ZNF682: variants seen among roughly 807,000 people sequenced by gnomAD.
The protein encoded by ZNF682 is zinc finger protein 682.
ZNF682 carries 29 observed loss-of-function variants against 36.5 expected under a neutral mutation model. The ratio of observed to expected loss-of-function variants is 0.80; its 90% confidence interval spans 0.59 to 1.08. The LOEUF is 1.08. Among genes scored for constraint, ZNF682 ranks in the 50% least tolerant of loss-of-function variants. The pLI, the probability that ZNF682 is intolerant of heterozygous loss-of-function variation, is 0.00. For synonymous variants in ZNF682, 180 were observed against 197.0 expected (o/e 0.91, Z 0.72); for missense variants, 561 against 579.7 (o/e 0.97, Z 0.33).
downstream of ZNF682, among the ~76,000 whole-genome samples, chr19:19,995,444 G>A (rs2088124112): frequency 6.6e-6 from 1 of 152,116 alleles, no homozygotes; most frequent in African/African-American, 2.4e-5. Context: ...TTAGTCATGA[G>A]GGCCTTTTAC....
chr19:20,018,115 A>T (rs796776879), intron 3 of ZNF682, among the ~76,000 whole-genome samples: 180 of 84,222 alleles, frequency 2.1e-3, no homozygotes, highest in African/African-American at 8.4e-3. Flanking sequence ...TTTTTTTGAG[A>T]CGGAGTCTCG....
At chr19:20,023,535 T>C (rs1599612185) in intron 2 of ZNF682, among the ~76,000 whole-genome samples, 2 of 152,030 alleles carry the variant, frequency 1.3e-5, no homozygotes, top group East Asian at 1.9e-4. Flanking sequence ...AACAAAATAA[T>C]ATTTCTAAAC....
chr19:20,011,042 C>G (rs1200221803), intron 3 of ZNF682, among the ~76,000 whole-genome samples: 9 of 151,750 alleles, frequency 5.9e-5, no homozygotes, highest in African/African-American at 2.2e-4. Flanking sequence ...AAGACTTAAC[C>G]TTCTGCTGAC....
intron 3 of ZNF682, 61 bp from the exon 4 acceptor site, chr19:20,007,336 T>G: frequency 7.1e-7 from 1 of 1,409,602 alleles, no homozygotes. Context: ...TACATATACT[T>G]TACAAATCTA....
At chr19:20,035,571 A>AACATAACGTATGTAGTATTAGAAATACT (rs1456922655) in intron 1 of ZNF682, among the ~76,000 whole-genome samples, 1 of 152,152 alleles carries the variant, frequency 6.6e-6, no homozygotes, top group Non-Finnish European at 1.5e-5. Context: ...AAACAATTTT[A>AACATAACGTATGTAGTATTAGAAATACT]ACATATTAGT....
At chr19:20,003,273 A>G (rs1002819091), downstream of ZNF682, among the ~76,000 whole-genome samples, 1 of 151,854 alleles carries the variant, frequency 6.6e-6, no homozygotes, top group African/African-American at 2.4e-5. Flanking sequence ...TTGAAAAAAA[A>G]TGTACTAAAT....
Position 20,006,717 on chromosome 19 carries a change from C to T in ZNF682, c.785G>A (p.Cys262Tyr), listed in dbSNP as rs1309748384. Residue 262 changes from cysteine (C) to tyrosine (Y), a missense_variant, in exon 4 of 4, where the codon TGT (cysteine) becomes TAT (tyrosine). By Grantham distance (194) the Cys-to-Tyr change is radical (BLOSUM62 -2). Coordinates refer to ENST00000397165, the MANE Select transcript of ZNF682 (RefSeq NM_033196.3). The part of the protein sequence containing the change: ...TGEKPYKCEE[C>Y]GKAFHWCSPF... ...TGAACACCAGTGAAAGGCTTTTCCA[C>T]ATTCTTCACATTTGTAGGGTTTCTC... 8 of 1,613,970 alleles carry T rather than the reference C, an allele frequency of 5.0e-6. No individual in the cohort carries two copies. In the South Asian group the frequency reaches 8.8e-5, roughly 18 times the overall value.
chr19:19,996,991 C>A, downstream of ZNF682: 1 of 368,258 alleles, frequency 2.7e-6, no homozygotes, highest in Non-Finnish European at 4.8e-6. Context: ...CAGACACACA[C>A]ACAGAAACAC....
rs184298649 is a variant in ZNF682 at position 20,006,123 on chromosome 19, T to G, written c.1379A>C (p.Lys460Thr). ...VKRYKCEECG[K>T]AFKRCSHLNE... ...AAGATGTGAGCACCGTTTAAAAGCT[T>G]TGCCACATTCTTCACATTTATAGCG... The change falls in exon 4 of 4, where the codon AAA (lysine) becomes ACA (threonine). Residue 460 changes from lysine (K) to threonine (T), a missense_variant. Coordinates refer to ENST00000397165, the MANE Select transcript of ZNF682 (RefSeq NM_033196.3). The G allele has an allele frequency of 5.3e-5, 86 of 1,613,692 alleles. 1 individual carries two copies. The East Asian group carries it at 1.8e-3, about 33-fold the overall frequency.
chr19:20,025,636 C>T (rs2088424448), intron 1 of ZNF682, among the ~76,000 whole-genome samples: 1 of 148,188 alleles, frequency 6.7e-6, no homozygotes, highest in Non-Finnish European at 1.5e-5. Context: ...AAGATTGTGA[C>T]ATTGCACTCA....
intron 1 of ZNF682, among the ~76,000 whole-genome samples, chr19:20,024,941 A>G (rs1355801934): frequency 6.6e-6 from 1 of 152,246 alleles, no homozygotes; most frequent in East Asian, 1.9e-4. Flanking sequence ...CAGATTATAG[A>G]ATAAGTTGTA....
chr19:20,023,127 T>TC (rs2088401854), intron 2 of ZNF682, 28 bp from the exon 3 acceptor site: 1 of 1,600,924 alleles, frequency 6.2e-7, no homozygotes, highest in Non-Finnish European at 8.6e-7. Context: ...AGTAATGTGA[T>TC]TCTTGCTGGG....
At chr19:20,036,874 AAC>A (rs2088535479) in intron 1 of ZNF682, among the ~76,000 whole-genome samples, 1 of 151,108 alleles carries the variant, frequency 6.6e-6, no homozygotes, top group Non-Finnish European at 1.5e-5. Flanking sequence ...AGTCCTAGGT[AAC>A]TGGGAGGCTG....
chr19:20,002,683 G>T (rs765787800), downstream of ZNF682, among the ~76,000 whole-genome samples: 1 of 152,040 alleles, frequency 6.6e-6, no homozygotes, highest in Non-Finnish European at 1.5e-5. Flanking sequence ...ACTCCAATTG[G>T]AACACTAATT....
At chr19:20,003,450 A>C (rs2088184553), downstream of ZNF682, among the ~76,000 whole-genome samples, 1 of 151,926 alleles carries the variant, frequency 6.6e-6, no homozygotes, top group Non-Finnish European at 1.5e-5. Context: ...CATGCCTGTA[A>C]TCCTAGCACT....
At chr19:20,029,084 T>C (rs2088457285) in intron 1 of ZNF682, among the ~76,000 whole-genome samples, 1 of 150,530 alleles carries the variant, frequency 6.6e-6, no homozygotes, top group Admixed American at 6.7e-5. Flanking sequence ...GTTCAAGCAA[T>C]TCTCCTGCCT....
chr19:20,023,708 AG>A (rs35583399), intron 2 of ZNF682, among the ~76,000 whole-genome samples: 119,437 of 151,882 alleles, frequency 0.79, 47,085 homozygotes, highest in Middle Eastern at 0.88. Flanking sequence ...AAGGCTGGGT[AG>A]GGTAGTTCAC....
Position 20,006,915 on chromosome 19 carries a change from G to A in ZNF682, c.587C>T (p.Thr196Ile). 1 of 1,613,970 alleles carries A rather than the reference G, an allele frequency of 6.2e-7. No homozygotes were observed. The highest frequency in any genetic ancestry group is 8.5e-7 in the Non-Finnish European group (1 of 1,179,894). Reference protein sequence around the residue: ...SGLSYHKIIHTEEKLCICEEC... With the variant: ...SGLSYHKIIHIEEKLCICEEC... ...CTCACATATGCAGAGTTTCTCTTCAGTGTGAATTATCTTATGATAAGAAAG... is the reference window on the plus strand; with the variant it reads ...CTCACATATGCAGAGTTTCTCTTCAATGTGAATTATCTTATGATAAGAAAG... Residue 196 changes from threonine (T) to isoleucine (I), a missense_variant, in exon 4 of 4, where the codon ACT becomes ATT. By Grantham distance (89) the Thr-to-Ile change is moderately conservative. Coordinates refer to ENST00000397165, the MANE Select transcript of ZNF682 (RefSeq NM_033196.3).
chr19:20,017,470 T>G (rs928522604), intron 3 of ZNF682, among the ~76,000 whole-genome samples: 2 of 152,156 alleles, frequency 1.3e-5, no homozygotes, highest in Admixed American at 1.3e-4. Context: ...AAGATTGGTA[T>G]TATATAATGG....
Sources: gnomAD v4.1 joint callset for allele counts (sites outside exome capture counted in the v4.1 genomes callset) on GRCh38, gnomAD v4.1.1 for gene constraint, MANE v1.5 for transcripts, NCBI Gene and HGNC (gene_info 2026-07-23, HGNC 2026-07-21) for gene names.